Variants in FANCC observed in about 807,000 individuals in gnomAD.
The protein encoded by FANCC is FA complementation group C.
FANCC carries 55 observed loss-of-function variants against 71.3 expected under a neutral mutation model. That is an observed-to-expected ratio of 0.77 (90% CI 0.62 to 0.97). The LOEUF (loss-of-function observed/expected upper bound fraction) is 0.97. FANCC is among the 50% of genes least tolerant of loss of function. The pLI is 0.00. For missense variants in FANCC, 678 were observed against 670.9 expected, an observed-to-expected ratio of 1.01 and a Z score of -0.12; for synonymous variants, 275 against 244.9, an observed-to-expected ratio of 1.12 and a Z score of -1.15.
At chr9:95,176,078 C>A (rs1825996724) in intron 4 of FANCC, among the ~76,000 whole-genome samples, 1 of 152,220 alleles carries the variant, frequency 6.6e-6, no homozygotes, top group African/African-American at 2.4e-5. Flanking sequence ...AGGGGCTGTT[C>A]TAAGCCAATT....
chr9:95,114,672 T>C lies in FANCC; in HGVS notation c.1111A>G (p.Ile371Val), dbSNP rs1389016226. ...ACTGCTTCTCTGAGCAGTTCAGAAA[T>C]ATGCTTCAGTGTCTGGAGCCAGTGT... ...RGHWLQTLKH[I>V]SELLREAVED... Residue 371 changes from isoleucine (I) to valine (V), a missense_variant, in exon 12 of 15, where the codon ATT becomes GTT. Ile to Val is a conservative substitution (Grantham distance 29, BLOSUM62 3). Transcript: ENST00000289081. 6.2e-7 allele frequency: 1 copy of C among 1,614,218 alleles called. No individual in the cohort carries two copies. Among genetic ancestry groups the C allele is most frequent in the Admixed American group, 1.7e-5 (1 of 60,034 alleles).
rs2071032975 is a variant in FANCC at position 95,100,312 on chromosome 9, A to G, written c.*1395T>C. The stretch of plus-strand genomic sequence containing the variant: ...ACCAGCACACCCTTCTGACTGCAGC[A>G]TTTCTCAGAAGAAAGGCTCAGGTGA... On this transcript the variant is annotated 3_prime_UTR_variant, in exon 15 of 15. Coordinates refer to ENST00000289081, the MANE Select transcript of FANCC (RefSeq NM_000136.3). 1 of 232,600 alleles carries G rather than the reference A, an allele frequency of 4.3e-6. No homozygotes were observed. The highest frequency in any genetic ancestry group is 8.5e-6 in the Non-Finnish European group (1 of 117,624). 14.4% of individuals were successfully genotyped at this position (232,600 alleles called of 1,614,324 possible).
At chr9:95,314,936 G>GA (rs968261247) in intron 1 of FANCC, among the ~76,000 whole-genome samples, 24 of 151,638 alleles carry the variant, frequency 1.6e-4, no homozygotes, top group African/African-American at 3.4e-4. Flanking sequence ...ACGGTTTTCT[G>GA]AAAAAAAATA....
intron 1 of FANCC, among the ~76,000 whole-genome samples, chr9:95,283,681 T>C (rs946745298): frequency 6.6e-6 from 1 of 152,214 alleles, no homozygotes; most frequent in African/African-American, 2.4e-5. Flanking sequence ...AATAACTCAC[T>C]TTACAAAAAA....
chr9:95,166,707 G>A lies in FANCC; in HGVS notation c.521+4372C>T, dbSNP rs11793836. On this transcript the variant is annotated intron_variant, in intron 6 of 14. Transcript: ENST00000289081. ...ATCAAAAATATAGTATTTGCAGGAT[G>A]TAGAACCCAAAGATTGAACGTTTGT... Among the ~76,000 whole-genome samples the A allele has an allele frequency of 6.4e-3, 970 of 152,262 alleles. 4 individuals are homozygous for A. Among genetic ancestry groups the A allele is most frequent in the Non-Finnish European group, 0.011 (726 of 67,988 alleles).
chr9:95,180,509 A>G (rs140742230), intron 4 of FANCC, among the ~76,000 whole-genome samples: 2,117 of 151,668 alleles, frequency 0.014, 19 homozygotes, highest in Non-Finnish European at 0.022. Context: ...TTTAAATTTA[A>G]TTTTATTTTT....
At chr9:95,123,548 C>A (rs762051334) in intron 10 of FANCC, 2 of 535,194 alleles carry the variant, frequency 3.7e-6, no homozygotes, top group South Asian at 1.4e-5. Flanking sequence ...GAACAACGGT[C>A]GTACCAAAAA....
chr9:95,205,535 A>G (rs1030773979), intron 4 of FANCC, among the ~76,000 whole-genome samples: 13 of 152,026 alleles, frequency 8.6e-5, no homozygotes, highest in Non-Finnish European at 1.6e-4. Context: ...CTTTATTAAA[A>G]TATCTGTGTT....
chr9:95,146,329 AT>A (rs1829539703), intron 7 of FANCC, among the ~76,000 whole-genome samples: 1 of 151,702 alleles, frequency 6.6e-6, no homozygotes, highest in African/African-American at 2.4e-5. Flanking sequence ...TCTACCGAAA[AT>A]ACAAAAAATT....
intron 4 of FANCC, among the ~76,000 whole-genome samples, chr9:95,240,161 C>G (rs560134397): frequency 6.6e-6 from 1 of 152,324 alleles, no homozygotes; most frequent in South Asian, 2.1e-4. Context: ...GGCTGCGCAG[C>G]ACCAAGATCC....
At chr9:95,108,908 CCT>C (rs1491304618) in intron 13 of FANCC, among the ~76,000 whole-genome samples, 2 of 131,950 alleles carry the variant, frequency 1.5e-5, no homozygotes, top group East Asian at 5.5e-4. Context: ...CTCTTCAAGA[CCT>C]TTTTTTTTTT....
intron 13 of FANCC, 47 bp downstream of exon 13, chr9:95,111,416 C>A (rs758076112): frequency 6.3e-7 from 1 of 1,599,628 alleles, no homozygotes; most frequent in Non-Finnish European, 8.5e-7. Context: ...CTCCTCTCAG[C>A]CCCCCAGAGC....
At chr9:95,102,906 C>T (rs997537348) in intron 14 of FANCC, among the ~76,000 whole-genome samples, 3 of 152,330 alleles carry the variant, frequency 2.0e-5, no homozygotes, top group Non-Finnish European at 4.4e-5. Context: ...TGCAGCCGGC[C>T]TGCAACGAGC....
In FANCC at chr9:95,309,754, A is replaced by T. The variant is rs569309226; in HGVS notation, c.-79+7772T>A. 3.3e-5 allele frequency among the ~76,000 whole-genome samples: 5 copies of T among 152,330 alleles called. No individual in the cohort carries two copies. The East Asian group carries it at 9.7e-4, about 29-fold the overall frequency. Reference sequence around the variant, plus strand: ...AACTTTTTTCTGATACTATATGTCCAACATGTTATGTGGGACACACATGTT... The same window carrying T: ...AACTTTTTTCTGATACTATATGTCCTACATGTTATGTGGGACACACATGTT... On this transcript the variant is annotated intron_variant, in intron 1 of 14. Coordinates refer to ENST00000289081, the MANE Select transcript of FANCC (RefSeq NM_000136.3).
At chr9:95,299,077 A>T (rs1337649189) in intron 1 of FANCC, among the ~76,000 whole-genome samples, 1 of 152,246 alleles carries the variant, frequency 6.6e-6, no homozygotes, top group Non-Finnish European at 1.5e-5. Context: ...CAGACAAAAA[A>T]TACAGTTTTA....
At chr9:95,131,507 G>A (rs924838281) in intron 8 of FANCC, among the ~76,000 whole-genome samples, 6 of 152,194 alleles carry the variant, frequency 3.9e-5, no homozygotes, top group Non-Finnish European at 8.8e-5. Context: ...TTTCTTCACA[G>A]AGACTATGCT....
At chr9:95,158,078 G>A (rs1032748617) in intron 6 of FANCC, among the ~76,000 whole-genome samples, 1 of 152,042 alleles carries the variant, frequency 6.6e-6, no homozygotes, top group African/African-American at 2.4e-5. Flanking sequence ...TATTTGAGAC[G>A]CTACATGAGT....
At position 95,111,737 on chromosome 9, in the gene FANCC, G is replaced by T. The variant is rs966594997; in HGVS notation, c.1155-100C>A. 9.1e-6 allele frequency: 13 copies of T among 1,427,404 alleles called. No homozygotes were observed. The African/African-American group carries it at 9.8e-5, about 11-fold the overall frequency. The allele number at this position is 1,427,404 out of a possible 1,614,324, so 88.4% of individuals were successfully genotyped here. A position where few individuals can be genotyped will look rare whatever the true frequency, so the allele number is the denominator to read the frequency against. ...CGTTTGCCAACGGTTGGCTTAAATT[G>T]TACTTATCCACTGAAGTGCAACCTG... On this transcript the variant is annotated intron_variant, in intron 12 of 14. Coordinates refer to ENST00000289081, the MANE Select transcript of FANCC (RefSeq NM_000136.3).
intron 6 of FANCC, among the ~76,000 whole-genome samples, chr9:95,161,134 T>C (rs1331624919): frequency 6.6e-6 from 1 of 151,506 alleles, no homozygotes; most frequent in Non-Finnish European, 1.5e-5. Flanking sequence ...AAGATAAGAG[T>C]TACTTTGGGG....
Sources: gnomAD v4.1 joint callset for allele counts (sites outside exome capture counted in the v4.1 genomes callset) on GRCh38, gnomAD v4.1.1 for gene constraint, MANE v1.5 for transcripts, NCBI Gene and HGNC (gene_info 2026-07-23, HGNC 2026-07-21) for gene names.